The following CREB5 variants were observed in gnomAD, a reference collection of about 807,000 sequenced individuals.
The protein encoded by CREB5 is cyclic AMP-responsive element-binding protein 5.
CREB5 carries 19 observed loss-of-function variants against 57.1 expected under a neutral mutation model. The observed-to-expected ratio is 0.33, with a 90% CI of 0.23 to 0.49. The LOEUF (loss-of-function observed/expected upper bound fraction) is 0.49. Ranked by LOEUF, CREB5 falls within the 20% of genes least tolerant of loss-of-function variation. The pLI, the probability that CREB5 is intolerant of heterozygous loss-of-function variation, is 0.99. For missense variants in CREB5, 579 were observed against 671.6 expected (o/e 0.86, Z 1.52); for synonymous variants, 238 against 238.3 (o/e 1.00, Z 0.01).
At chr7:28,718,939 G>T (rs973539577) in intron 6 of CREB5, 60 bp downstream of exon 6, 4 of 1,608,914 alleles carry the variant, frequency 2.5e-6, no homozygotes, top group East Asian at 4.5e-5. Flanking sequence ...TGCCACTCTT[G>T]AAAGGGCAAA....
intron 5 of CREB5, among the ~76,000 whole-genome samples, chr7:28,666,362 A>G (rs10225671): frequency 0.33 from 50,522 of 151,798 alleles, 8,742 homozygotes; most frequent in Middle Eastern, 0.48. Context: ...GGGTTGGGCT[A>G]GATCCCTGTT....
At chr7:28,802,484 C>A (rs1225508111) in intron 7 of CREB5, among the ~76,000 whole-genome samples, 1 of 152,148 alleles carries the variant, frequency 6.6e-6, no homozygotes, top group Non-Finnish European at 1.5e-5. Context: ...ACAACTGTTT[C>A]CTTGCCCAGC....
intron 1 of CREB5, among the ~76,000 whole-genome samples, chr7:28,381,485 T>C (rs551038854): frequency 1.3e-5 from 2 of 152,356 alleles, no homozygotes; most frequent in African/African-American, 4.8e-5. Context: ...TTTCGGACTT[T>C]GATTTCTCAT....
At chr7:28,685,876 T>G in intron 5 of CREB5, 3 of 377,080 alleles carry the variant, frequency 8.0e-6, no homozygotes, top group South Asian at 5.9e-5. Flanking sequence ...CTGGGGCTGT[T>G]TTGGTTACAT....
At chr7:28,505,334 C>A (rs147098546) in intron 3 of CREB5, among the ~76,000 whole-genome samples, 154 of 152,316 alleles carry the variant, frequency 1.0e-3, no homozygotes, top group Non-Finnish European at 1.6e-3. Flanking sequence ...TTGCCTCTGA[C>A]CTGTTAGTAT....
chr7:28,529,522 T>C (rs1793629804), intron 4 of CREB5, among the ~76,000 whole-genome samples: 1 of 152,184 alleles, frequency 6.6e-6, no homozygotes, highest in South Asian at 2.1e-4. Context: ...CTAAATATAA[T>C]TAAACTGCAA....
intron 1 of CREB5, among the ~76,000 whole-genome samples, chr7:28,474,328 C>G (rs1790967532): frequency 6.6e-6 from 1 of 152,124 alleles, no homozygotes; most frequent in Non-Finnish European, 1.5e-5. Flanking sequence ...TGACTGGTAA[C>G]TATTGGTTTC....
chr7:28,596,254 G>A (rs183897464), intron 5 of CREB5, among the ~76,000 whole-genome samples: 3 of 152,244 alleles, frequency 2.0e-5, no homozygotes, highest in South Asian at 4.2e-4. Flanking sequence ...TGAGCAGTCC[G>A]GTCAGCATCA....
At chr7:28,445,103 G>A (rs1320965782) in intron 1 of CREB5, among the ~76,000 whole-genome samples, 3 of 152,108 alleles carry the variant, frequency 2.0e-5, no homozygotes, top group African/African-American at 7.2e-5. Flanking sequence ...TTACAAAAGG[G>A]CAGTTCCCCT....
chr7:28,639,659 C>A (rs958448123), intron 5 of CREB5, among the ~76,000 whole-genome samples: 1 of 152,106 alleles, frequency 6.6e-6, no homozygotes, highest in Non-Finnish European at 1.5e-5. Context: ...CAAGGACTTA[C>A]CTGACAGTCA....
At chr7:28,790,428 AAGAGAGAGAGAG>A (rs370615013) in intron 7 of CREB5, among the ~76,000 whole-genome samples, 13 of 115,794 alleles carry the variant, frequency 1.1e-4, no homozygotes, top group African/African-American at 3.1e-4. Flanking sequence ...GAAAGAAAGA[AAGAGAGAGAGAG>A]AGAGAGAGAG....
Position 28,819,344 on chromosome 7 carries a change from G to A in CREB5, c.*65G>A. The A allele has an allele frequency of 6.6e-7, 1 of 1,505,272 alleles. No homozygotes were observed. The highest frequency in any genetic ancestry group is 8.9e-7 in the Non-Finnish European group (1 of 1,119,884). 93.2% of individuals were successfully genotyped at this position (1,505,272 alleles called of 1,614,324 possible). ...GTACCATGCGTCCTTTCTTTTAAGG[G>A]CATTTTTAGAATTAACTCAGACCTG... is the stretch of plus-strand genomic sequence containing the variant. On this transcript the variant is annotated 3_prime_UTR_variant, in exon 11 of 11. Transcript: ENST00000357727.
chr7:28,444,601 A>T (rs74475381), intron 1 of CREB5, among the ~76,000 whole-genome samples: 2,691 of 152,270 alleles, frequency 0.018, 45 homozygotes, highest in East Asian at 0.055. Context: ...GCTGTGTTTT[A>T]AAAAATAGGA....
At chr7:28,596,284 TCAAA>T (rs1472715072) in intron 5 of CREB5, among the ~76,000 whole-genome samples, 2 of 152,122 alleles carry the variant, frequency 1.3e-5, no homozygotes, top group African/African-American at 2.4e-5. Context: ...AAGCTCTAAC[TCAAA>T]CAAACTGAAA....
intron 5 of CREB5, among the ~76,000 whole-genome samples, chr7:28,652,038 A>T (rs1799147171): frequency 6.6e-6 from 1 of 152,204 alleles, no homozygotes; most frequent in Non-Finnish European, 1.5e-5. Flanking sequence ...TGACATTATT[A>T]TTATTAGAAG....
chr7:28,309,236 C>A (rs1225143773), intron 1 of CREB5, among the ~76,000 whole-genome samples: 1 of 152,200 alleles, frequency 6.6e-6, no homozygotes, highest in Non-Finnish European at 1.5e-5. Context: ...TCTCTCAATG[C>A]ACACAAGCTA....
intron 1 of CREB5, among the ~76,000 whole-genome samples, chr7:28,400,337 C>T (rs1473174473): frequency 6.6e-6 from 1 of 152,150 alleles, no homozygotes; most frequent in Non-Finnish European, 1.5e-5. Flanking sequence ...CCAGAGTTGT[C>T]AGGATTAAAC....
chr7:28,596,624 G>T (rs889755989), intron 5 of CREB5, among the ~76,000 whole-genome samples: 1 of 152,178 alleles, frequency 6.6e-6, no homozygotes, highest in Non-Finnish European at 1.5e-5. Flanking sequence ...TGAACCTGTA[G>T]CCAGCTAGAC....
chr7:28,726,732 G>T (rs945727810), intron 7 of CREB5: 3 of 152,146 alleles, frequency 2.0e-5, no homozygotes, highest in Non-Finnish European at 4.4e-5. Flanking sequence ...ACTCTGCAGG[G>T]TGTGTTCCCA....
Sources: allele counts gnomAD v4.1 joint callset (sites outside exome capture counted in the v4.1 genomes callset), GRCh38; gene constraint gnomAD v4.1.1; transcripts MANE v1.5; gene names NCBI Gene and HGNC (gene_info 2026-07-23, HGNC 2026-07-21).